Variants in ARFGEF3 observed in about 807,000 individuals in gnomAD.
ARFGEF3 encodes the protein ARFGEF family member 3.
Under a neutral mutation model 221.7 loss-of-function variants are expected in ARFGEF3, and 96 were observed. That is an observed-to-expected ratio of 0.43 (90% confidence interval 0.37 to 0.51). The LOEUF (loss-of-function observed/expected upper bound fraction) is 0.51, where lower values mean the gene tolerates loss of function less well. Ranked by LOEUF, ARFGEF3 falls within the 20% of genes least tolerant of loss-of-function variation. The pLI is 0.00. For missense variants in ARFGEF3, 2,410 were observed against 2,789.9 expected, an observed-to-expected ratio of 0.86 and a Z score of 3.07; for synonymous variants, 1,145 against 1,126.8, an observed-to-expected ratio of 1.02 and a Z score of -0.32.
intron 4 of ARFGEF3, among the ~76,000 whole-genome samples, chr6:138,215,683 C>T (rs1777828817): frequency 1.3e-5 from 2 of 151,628 alleles, no homozygotes; most frequent in South Asian, 4.2e-4. Flanking sequence ...AAAGCCAAGT[C>T]ACAGGCTAAG....
At chr6:138,171,026 T>C (rs749729683) in intron 2 of ARFGEF3, among the ~76,000 whole-genome samples, 3 of 152,048 alleles carry the variant, frequency 2.0e-5, no homozygotes, top group Non-Finnish European at 4.4e-5. Context: ...GCCCCACTCC[T>C]GTGATAACAG....
At chr6:138,327,313 C>G (rs1780143926) in intron 31 of ARFGEF3, among the ~76,000 whole-genome samples, 1 of 146,600 alleles carries the variant, frequency 6.8e-6, no homozygotes, top group Non-Finnish European at 1.5e-5. Flanking sequence ...TAGTGGTGCA[C>G]ACCTGTGGTC....
intron 12 of ARFGEF3, among the ~76,000 whole-genome samples, chr6:138,277,225 T>C (rs1408152163): frequency 6.6e-6 from 1 of 152,218 alleles, no homozygotes; most frequent in African/African-American, 2.4e-5. Context: ...GTGCATCATA[T>C]ATATTTGTTA....
At chr6:138,232,165 T>C (rs1778204572) in intron 5 of ARFGEF3, among the ~76,000 whole-genome samples, 1 of 152,128 alleles carries the variant, frequency 6.6e-6, no homozygotes, top group South Asian at 2.1e-4. Flanking sequence ...GTTACCTTCA[T>C]ATAGGAAAAA....
intron 4 of ARFGEF3, among the ~76,000 whole-genome samples, chr6:138,227,043 G>T (rs1039176623): frequency 2.0e-4 from 29 of 144,934 alleles, no homozygotes; most frequent in Non-Finnish European, 3.5e-4. Context: ...GGTTGATTTT[G>T]TTTTTTTTTT....
chr6:138,275,347 C>A (rs911940618), intron 12 of ARFGEF3, among the ~76,000 whole-genome samples: 1 of 151,894 alleles, frequency 6.6e-6, no homozygotes, highest in Non-Finnish European at 1.5e-5. Flanking sequence ...TATGCTTAGT[C>A]CCACCAAAAA....
chr6:138,290,972 A>G (rs2114635162), intron 18 of ARFGEF3, among the ~76,000 whole-genome samples: 1 of 152,334 alleles, frequency 6.6e-6, no homozygotes, highest in Middle Eastern at 3.4e-3. Flanking sequence ...CTGGTACACA[A>G]GCAGCGGGTA....
At chr6:138,329,609 A>G (rs1482746284) in intron 32 of ARFGEF3, among the ~76,000 whole-genome samples, 5 of 152,126 alleles carry the variant, frequency 3.3e-5, no homozygotes, top group Admixed American at 2.0e-4. Context: ...GGCTGCAGTG[A>G]GCTGAGATCA....
chr6:138,240,869 G>A (rs919282746), intron 6 of ARFGEF3, among the ~76,000 whole-genome samples: 2 of 152,086 alleles, frequency 1.3e-5, no homozygotes, highest in East Asian at 1.9e-4. Flanking sequence ...AAGAGGCCAC[G>A]TATTCCCCTG....
chr6:138,178,887 A>T (rs1338014688), intron 2 of ARFGEF3, among the ~76,000 whole-genome samples: 1 of 152,320 alleles, frequency 6.6e-6, no homozygotes, highest in East Asian at 1.9e-4. Context: ...CATTGACCTC[A>T]GCTAGTGTAG....
chr6:138,312,865 A>T (rs1332052026), intron 25 of ARFGEF3, among the ~76,000 whole-genome samples: 1 of 152,100 alleles, frequency 6.6e-6, no homozygotes, highest in Non-Finnish European at 1.5e-5. Context: ...ATGCGCCACC[A>T]CACCCAGCTA....
intron 5 of ARFGEF3, 145 bp downstream of exon 5, chr6:138,229,997 T>C (rs1778160820): frequency 2.8e-6 from 2 of 711,270 alleles, no homozygotes; most frequent in Admixed American, 4.2e-5. Flanking sequence ...GGAATTGATC[T>C]GTGGGAAGCG....
In ARFGEF3 at chr6:138,306,392, T is replaced by C. The variant is rs568538183; in HGVS notation, c.3829-861T>C. Among the ~76,000 whole-genome samples, 8 of 152,258 alleles carry C rather than the reference T, an allele frequency of 5.3e-5. No individual in the cohort carries two copies. The South Asian group carries it at 1.5e-3, about 28-fold the overall frequency. ...TTTTAAAATAGCAAATCTCCCCAAA[T>C]TGATGTATAGATTCAGCGCAATTCC... On this transcript the variant is annotated intron_variant, in intron 22 of 33. Transcript: ENST00000251691.
chr6:138,258,522 A>G (rs1481419445), intron 10 of ARFGEF3, among the ~76,000 whole-genome samples: 8 of 152,258 alleles, frequency 5.3e-5, no homozygotes, highest in Middle Eastern at 3.4e-3. Flanking sequence ...CTTGTCCTTC[A>G]TGGTTGGGCT....
chr6:138,317,447 C>T, intron 27 of ARFGEF3, 68 bp downstream of exon 27: 1 of 1,570,394 alleles, frequency 6.4e-7, no homozygotes, highest in Non-Finnish European at 8.7e-7. Flanking sequence ...GAGGGTATTT[C>T]TGCAGGTGTC....
intron 31 of ARFGEF3, among the ~76,000 whole-genome samples, chr6:138,324,579 T>C (rs749610066): frequency 1.3e-5 from 2 of 152,254 alleles, no homozygotes; most frequent in African/African-American, 2.4e-5. Context: ...CTTAATAAAT[T>C]TGAGTTGAAT....
chr6:138,263,522 T>G lies in ARFGEF3; in HGVS notation c.2039T>G (p.Leu680Arg). ...AGCGCCAGGCTGTTCATACAGTCCC[T>G]GGAAGGCCTCCTCCCTCGGCTCCTG... The part of the protein sequence containing the change: ...QHSARLFIQS[L>R]EGLLPRLLSL... Residue 680 changes from leucine to arginine, a missense_variant, in exon 12 of 34, where the codon CTG (leucine) becomes CGG (arginine). Physicochemically the swap from Leu to Arg is moderately radical, Grantham distance 102 (BLOSUM62 -2). Coordinates refer to ENST00000251691, the MANE Select transcript of ARFGEF3 (RefSeq NM_020340.5). The G allele has an allele frequency of 6.2e-7, 1 of 1,613,632 alleles. No individual in the cohort carries two copies. The highest frequency in any genetic ancestry group is 8.5e-7 in the Non-Finnish European group (1 of 1,179,864).
intron 2 of ARFGEF3, among the ~76,000 whole-genome samples, chr6:138,196,167 A>T (rs1777415159): frequency 1.3e-5 from 2 of 152,096 alleles, no homozygotes; most frequent in South Asian, 4.1e-4. Flanking sequence ...CTTGTCCAGG[A>T]GTGATTTTTT....
At chr6:138,250,671 G>T (rs1422174721) in intron 8 of ARFGEF3, among the ~76,000 whole-genome samples, 1 of 152,236 alleles carries the variant, frequency 6.6e-6, no homozygotes, top group African/African-American at 2.4e-5. Flanking sequence ...GCCAGGAGGG[G>T]TGGCTGCTTT....
Sources: gnomAD v4.1 joint callset for allele counts (sites outside exome capture counted in the v4.1 genomes callset) on GRCh38, gnomAD v4.1.1 for gene constraint, MANE v1.5 for transcripts, NCBI Gene and HGNC (gene_info 2026-07-23, HGNC 2026-07-21) for gene names.